ACOT6: variants seen among roughly 807,000 people sequenced by gnomAD.
The protein encoded by ACOT6 is acyl-CoA thioesterase 6.
Under a neutral mutation model 12.3 loss-of-function variants are expected in ACOT6, and 14 were observed. The observed-to-expected ratio is 1.14, with a 90% CI of 0.75 to 1.78. The LOEUF is 1.78. Ranked by LOEUF, ACOT6 falls within the 40% of genes most tolerant of loss-of-function variation. The pLI is 0.00. For synonymous variants in ACOT6, 218 were observed against 231.3 expected, an observed-to-expected ratio of 0.94 and a Z score of 0.52; for missense variants, 523 against 551.8, an observed-to-expected ratio of 0.95 and a Z score of 0.52.
rs1890461751 is a variant in ACOT6, at chr14:73,612,580, G to A, written c.9G>A (p.Ala3=). 3 of 1,401,198 alleles carry A rather than the reference G, an allele frequency of 2.1e-6. No individual in the cohort carries two copies. The highest frequency in any genetic ancestry group is 1.9e-6 in the Non-Finnish European group (2 of 1,069,334). The allele number at this position is 1,401,198 out of a possible 1,614,324, so 86.8% of individuals were successfully genotyped here. A position where few individuals can be genotyped will look rare whatever the true frequency, so the allele number is the denominator to read the frequency against. Residue 3 remains alanine, a synonymous_variant, in exon 1 of 3, where the codon GCG becomes GCA. Coordinates refer to ENST00000645972, the MANE Select transcript of ACOT6 (RefSeq NM_001365788.1). ...GTTCTACCCAGATTGGGATGGCAGCGACGCTGATCCTGGAGCCCGCGGGCC... is the reference window on the plus strand; with the variant it reads ...GTTCTACCCAGATTGGGATGGCAGCAACGCTGATCCTGGAGCCCGCGGGCC... The part of the protein sequence containing the change: MA[A]TLILEPAGRC...
At chr14:73,613,059 T>A (rs1291185609) in intron 1 of ACOT6, 27 bp downstream of exon 1, 1 of 634,502 alleles carries the variant, frequency 1.6e-6, no homozygotes, top group East Asian at 3.4e-5. Context: ...TTGGTCGAGC[T>A]CTGCGACCCC....
At chr14:73,615,435 GA>G (rs202023546) in intron 1 of ACOT6, among the ~76,000 whole-genome samples, 23 of 88,788 alleles carry the variant, frequency 2.6e-4, no homozygotes, top group Admixed American at 7.8e-4. Flanking sequence ...CAGCAACAAC[GA>G]AAAAAAAAAC....
In ACOT6 at chr14:73,612,730, T is replaced by C. The variant is rs2139995337; in HGVS notation, c.159T>C (p.Arg53=). ...GALFRAHARY[R]ADARDELDLE... ...TCTTCCGGGCCCACGCGCGCTACCGTGCCGACGCCCGCGACGAGCTGGACC... is the reference window on the plus strand; with the variant it reads ...TCTTCCGGGCCCACGCGCGCTACCGCGCCGACGCCCGCGACGAGCTGGACC... The change falls in exon 1 of 3, where the codon CGT becomes CGC. Residue 53 remains arginine, a synonymous_variant. Coordinates refer to ENST00000645972, the MANE Select transcript of ACOT6 (RefSeq NM_001365788.1). The C allele has an allele frequency of 7.3e-7, 1 of 1,374,992 alleles. No individual in the cohort carries two copies. The highest frequency in any genetic ancestry group is 9.3e-7 in the Non-Finnish European group (1 of 1,072,578). The allele number at this position is 1,374,992 out of a possible 1,614,324, so 85.2% of individuals were successfully genotyped here. A position where few individuals can be genotyped will look rare whatever the true frequency, so the allele number is the denominator to read the frequency against.
chr14:73,618,692 G>A (rs1566871438), intron 2 of ACOT6, among the ~76,000 whole-genome samples: 2 of 152,208 alleles, frequency 1.3e-5, no homozygotes. Flanking sequence ...GGTATAGGGT[G>A]TCTGGGCCTC....
Position 73,612,814 on chromosome 14 carries a change from G to T in ACOT6, c.243G>T (p.Leu81=). ...CGGGGCTCCAGCCCATGGGGCTGCT[G>T]TGGGCGTTGGAGCCCGAGAAAGCCT... ...SFAGLQPMGL[L]WALEPEKALV... The change falls in exon 1 of 3, where the codon CTG becomes CTT. Residue 81 remains leucine (L), a synonymous_variant. Transcript: ENST00000645972. 7.0e-7 allele frequency: 1 copy of T among 1,422,998 alleles called. No homozygotes were observed. The allele number at this position is 1,422,998 out of a possible 1,614,324, so 88.1% of individuals were successfully genotyped here. A position where few individuals can be genotyped will look rare whatever the true frequency, so the allele number is the denominator to read the frequency against.
At chr14:73,616,813 A>G in intron 1 of ACOT6, 181 bp from the exon 2 acceptor site, 1 of 541,288 alleles carries the variant, frequency 1.8e-6, no homozygotes, top group Non-Finnish European at 3.3e-6. Flanking sequence ...AGTAGTATAC[A>G]TTGTACCCAA....
chr14:73,615,055 C>G (rs1258975412), intron 1 of ACOT6, among the ~76,000 whole-genome samples: 1 of 143,984 alleles, frequency 6.9e-6, no homozygotes, highest in Non-Finnish European at 1.5e-5. Flanking sequence ...CACCGTTGCA[C>G]TCCAGCCTGG....
In ACOT6 at chr14:73,619,886, C is replaced by T. The variant is rs1890602336; in HGVS notation, c.*47C>T. On this transcript the variant is annotated 3_prime_UTR_variant, in exon 3 of 3. Transcript: ENST00000645972. ...ACCATTAATAAAAATCCTATTCATA[C>T]AACTTGTGTTGGGTTTTCTTTCTTT... The T allele has an allele frequency of 6.8e-7, 1 of 1,472,958 alleles. No homozygotes were observed. Among genetic ancestry groups the T allele is most frequent in the African/African-American group, 1.4e-5 (1 of 70,636 alleles). The allele number at this position is 1,472,958 out of a possible 1,614,324, so 91.2% of individuals were successfully genotyped here. A position where few individuals can be genotyped will look rare whatever the true frequency, so the allele number is the denominator to read the frequency against.
chr14:73,613,127 T>C (rs1177587198), intron 1 of ACOT6, 95 bp downstream of exon 1: 5 of 499,674 alleles, frequency 1.0e-5, no homozygotes, highest in African/African-American at 2.0e-5. Context: ...CTGAACTTGT[T>C]CCTTCGCTCC....
At chr14:73,615,203 T>C (rs1271189484) in intron 1 of ACOT6, among the ~76,000 whole-genome samples, 3 of 148,040 alleles carry the variant, frequency 2.0e-5, no homozygotes, top group East Asian at 4.0e-4. Flanking sequence ...CTGGCCAAGA[T>C]GGTGAAACCC....
intron 2 of ACOT6, 111 bp from the exon 3 acceptor site, chr14:73,619,123 C>G: frequency 7.3e-7 from 1 of 1,366,950 alleles, no homozygotes; most frequent in South Asian, 1.5e-5. Flanking sequence ...GAGCGAGACT[C>G]CATCTCAAAA....
chr14:73,619,271 AAGG>A lies in ACOT6; in HGVS notation c.702_704del (p.Gly235del). On this transcript the variant is annotated inframe_deletion, in exon 3 of 3. Coordinates refer to ENST00000645972, the MANE Select transcript of ACOT6 (RefSeq NM_001365788.1). Reference sequence around the variant, plus strand: ...AGTATTGCGCTTCTTGGATTTTCCAAAGGAGGTGACCTGTGTCTCTCAATGGCT... The same window carrying A: ...AGTATTGCGCTTCTTGGATTTTCCAAAGGTGACCTGTGTCTCTCAATGGCT... 1 of 1,599,626 alleles carries A rather than the reference AAGG, an allele frequency of 6.3e-7. No individual in the cohort carries two copies. Among genetic ancestry groups the A allele is most frequent in the Non-Finnish European group, 8.5e-7 (1 of 1,175,706 alleles).
chr14:73,617,303 C>A, intron 2 of ACOT6, 111 bp downstream of exon 2: 1 of 1,421,384 alleles, frequency 7.0e-7, no homozygotes, highest in Non-Finnish European at 9.9e-7. Context: ...CAGGAGATAC[C>A]AAGTCTCCTT....
intron 2 of ACOT6, 99 bp from the exon 3 acceptor site, chr14:73,619,135 A>C: frequency 6.9e-7 from 1 of 1,443,598 alleles, no homozygotes; most frequent in Non-Finnish European, 9.2e-7. Flanking sequence ...ATCTCAAAAA[A>C]GAAAAAAAAG....
intron 1 of ACOT6, among the ~76,000 whole-genome samples, chr14:73,613,291 G>A (rs960133874): frequency 6.6e-6 from 1 of 152,034 alleles, no homozygotes; most frequent in African/African-American, 2.4e-5. Context: ...TCCTTTTTAA[G>A]TTTCACGTCC....
chr14:73,613,408 C>G (rs1890482893), intron 1 of ACOT6, among the ~76,000 whole-genome samples: 1 of 152,164 alleles, frequency 6.6e-6, no homozygotes, highest in Non-Finnish European at 1.5e-5. Context: ...TGTTTGAATA[C>G]GATATGGGCA....
intron 1 of ACOT6, among the ~76,000 whole-genome samples, chr14:73,615,423 A>AAAAAC (rs1890521336): frequency 7.0e-6 from 1 of 141,864 alleles, no homozygotes; most frequent in South Asian, 2.2e-4. Context: ...AACAAAAAAA[A>AAAAAC]CCAGCAACAA....
Position 73,612,727 on chromosome 14 carries a change from C to T in ACOT6, c.156C>T (p.Tyr52=). The T allele has an allele frequency of 2.2e-6, 3 of 1,371,920 alleles. No homozygotes were observed. The highest frequency in any genetic ancestry group is 2.8e-6 in the Non-Finnish European group (3 of 1,069,994). 85.0% of individuals were successfully genotyped at this position (1,371,920 alleles called of 1,614,324 possible). ...CGCTCTTCCGGGCCCACGCGCGCTACCGTGCCGACGCCCGCGACGAGCTGG... is the reference window on the plus strand; with the variant it reads ...CGCTCTTCCGGGCCCACGCGCGCTATCGTGCCGACGCCCGCGACGAGCTGG... ...EGALFRAHAR[Y]RADARDELDL... Residue 52 remains tyrosine (Y), a synonymous_variant, in exon 1 of 3, where the codon TAC becomes TAT. Transcript: ENST00000645972.
At position 73,619,165 on chromosome 14, in the gene ACOT6, G is replaced by A. The variant is rs370655674; in HGVS notation, c.661-69G>A. 2.2e-5 allele frequency: 33 copies of A among 1,494,248 alleles called. No homozygotes were observed. The East Asian group carries it at 5.5e-4, about 25-fold the overall frequency. 92.6% of individuals were successfully genotyped at this position (1,494,248 alleles called of 1,614,324 possible). A position where few individuals can be genotyped will look rare whatever the true frequency, so the allele number is the denominator to read the frequency against. On this transcript the variant is annotated intron_variant, in intron 2 of 2. Transcript: ENST00000645972. ...AAAAAGAGAAAGCTACTTGGAGAAT[G>A]TAAAATCACTGTCTGTGTCCTCCAT...
Sources: allele counts gnomAD v4.1 joint callset (sites outside exome capture counted in the v4.1 genomes callset), GRCh38; gene constraint gnomAD v4.1.1; transcripts MANE v1.5; gene names NCBI Gene and HGNC (gene_info 2026-07-23, HGNC 2026-07-21).